The following RFX4 variants were observed in gnomAD, a reference collection of about 807,000 sequenced individuals.
RFX4 encodes transcription factor RFX4.
A neutral mutation model predicts 95.0 loss-of-function variants in RFX4; 10 were observed. That is an observed-to-expected ratio of 0.11 (90% CI 0.06 to 0.18). RFX4 has a LOEUF of 0.18. Ranked by LOEUF, RFX4 falls within the 10% of genes least tolerant of loss-of-function variation. The probability of loss-of-function intolerance (pLI) is 1.00; values close to 1 mark genes in which losing one functional copy is unlikely to be tolerated. For missense variants in RFX4, 640 were observed against 922.0 expected (o/e 0.69, Z 3.96); for synonymous variants, 321 against 340.7 (o/e 0.94, Z 0.64).
chr12:106,752,234 G>C (rs2043020731), intron 17 of RFX4, among the ~76,000 whole-genome samples: 1 of 150,258 alleles, frequency 6.7e-6, no homozygotes, highest in Non-Finnish European at 1.5e-5. Context: ...GTTTGTCAAA[G>C]ATCAGATAGT....
At chr12:106,671,530 CA>C (rs1339871732) in intron 4 of RFX4, among the ~76,000 whole-genome samples, 1 of 152,096 alleles carries the variant, frequency 6.6e-6, no homozygotes, top group African/African-American at 2.4e-5. Flanking sequence ...GTAGAAGAAT[CA>C]GATTCCTGTT....
intron 15 of RFX4, among the ~76,000 whole-genome samples, chr12:106,746,355 CAAA>C (rs531874659): frequency 8.9e-5 from 6 of 67,264 alleles, no homozygotes; most frequent in Non-Finnish European, 1.3e-4. Flanking sequence ...GACTCCATCT[CAAA>C]AAAAAAAAAA....
At chr12:106,599,309 G>T (rs567526065) in intron 1 of RFX4, among the ~76,000 whole-genome samples, 3 of 151,674 alleles carry the variant, frequency 2.0e-5, no homozygotes, top group Non-Finnish European at 2.9e-5. Context: ...AGCACCTATT[G>T]TACAATTGGT....
chr12:106,740,324 G>A (rs527967170), intron 15 of RFX4, among the ~76,000 whole-genome samples: 1 of 152,178 alleles, frequency 6.6e-6, no homozygotes, highest in Non-Finnish European at 1.5e-5. Flanking sequence ...CAGCTAAACC[G>A]AGTGGGATAG....
intron 2 of RFX4, among the ~76,000 whole-genome samples, chr12:106,618,376 G>T (rs937493333): frequency 6.6e-6 from 1 of 151,934 alleles, no homozygotes; most frequent in African/African-American, 2.4e-5. Context: ...TCTGATTATG[G>T]TTATGGCTAT....
At chr12:106,738,853 C>T (rs2042757404) in intron 15 of RFX4, among the ~76,000 whole-genome samples, 1 of 152,046 alleles carries the variant, frequency 6.6e-6, no homozygotes, top group Non-Finnish European at 1.5e-5. Context: ...TGCTAGAAAC[C>T]TAAATATTAG....
At chr12:106,687,997 ATAG>A (rs2041696441) in intron 6 of RFX4, among the ~76,000 whole-genome samples, 1 of 152,056 alleles carries the variant, frequency 6.6e-6, no homozygotes, top group South Asian at 2.1e-4. Flanking sequence ...AGTTTTGATC[ATAG>A]AATATTTGGA....
chr12:106,583,461 A>G (rs529121943), intron 1 of RFX4, 98 bp downstream of exon 1: 36 of 1,189,434 alleles, frequency 3.0e-5, no homozygotes, highest in Non-Finnish European at 3.8e-5. Context: ...CAGACGGGTC[A>G]ACTTGACAGT....
chr12:106,708,185 CAGG>C (rs1324289201), intron 8 of RFX4, among the ~76,000 whole-genome samples: 2 of 152,076 alleles, frequency 1.3e-5, no homozygotes, highest in East Asian at 1.9e-4. Flanking sequence ...GCTGAATATA[CAGG>C]AGAAGGGACC....
At chr12:106,749,599 C>T (rs746780290) in intron 16 of RFX4, among the ~76,000 whole-genome samples, 3 of 152,036 alleles carry the variant, frequency 2.0e-5, no homozygotes, top group African/African-American at 7.2e-5. Context: ...GCAGAAATAG[C>T]AGAAAAAATA....
intron 1 of RFX4, among the ~76,000 whole-genome samples, chr12:106,603,181 G>A (rs962606901): frequency 1.8e-4 from 27 of 152,272 alleles, no homozygotes; most frequent in Non-Finnish European, 1.9e-4. Flanking sequence ...CTTGATAACC[G>A]TCTTAATAGG....
chr12:106,720,111 CTG>C lies in RFX4; in HGVS notation c.1233+60_1233+61del. ...GGGCCCTGCAGCCCACCACTGCCCT[CTG>C]TGAACTTGGCCAAGACAAAGCCCTA... On this transcript the variant is annotated intron_variant, in intron 12 of 17. Transcript: ENST00000392842. This position sits in a 1 kb window ranked among gnomAD's most constrained non-coding sequence, Gnocchi z 4.2. 6.9e-7 allele frequency: 1 copy of C among 1,440,380 alleles called. No individual in the cohort carries two copies. The highest frequency in any genetic ancestry group is 1.1e-5 in the South Asian group (1 of 87,368). 89.2% of individuals were successfully genotyped at this position (1,440,380 alleles called of 1,614,324 possible). A position where few individuals can be genotyped will look rare whatever the true frequency, so the allele number is the denominator to read the frequency against.
chr12:106,730,494 T>C (rs753315886), intron 13 of RFX4, among the ~76,000 whole-genome samples: 1 of 152,206 alleles, frequency 6.6e-6, no homozygotes, highest in Non-Finnish European at 1.5e-5. Flanking sequence ...TGATTACTAA[T>C]GAAGAGACTC....
chr12:106,692,905 G>A (rs1051125169), intron 7 of RFX4, among the ~76,000 whole-genome samples: 1 of 152,140 alleles, frequency 6.6e-6, no homozygotes, highest in African/African-American at 2.4e-5. Context: ...TTAGTCCTGA[G>A]CTCCAGATTC....
intron 15 of RFX4, among the ~76,000 whole-genome samples, chr12:106,740,342 A>G (rs940715158): frequency 6.6e-6 from 1 of 152,190 alleles, no homozygotes; most frequent in Non-Finnish European, 1.5e-5. Context: ...TAGGATGGAC[A>G]CTTCAGCCCT....
At chr12:106,667,143 C>G (rs972230160) in intron 4 of RFX4, among the ~76,000 whole-genome samples, 5 of 151,994 alleles carry the variant, frequency 3.3e-5, no homozygotes, top group African/African-American at 1.2e-4. Context: ...CATTTTTTCC[C>G]TCCCCTCTTA....
chr12:106,760,176 C>T (rs1409228799), intron 17 of RFX4, among the ~76,000 whole-genome samples: 1 of 152,222 alleles, frequency 6.6e-6, no homozygotes, highest in Non-Finnish European at 1.5e-5. Context: ...CTCCTCCTCG[C>T]TGCTCTGGCC....
chr12:106,607,870 A>T (rs1341136526), intron 1 of RFX4, among the ~76,000 whole-genome samples: 1 of 152,160 alleles, frequency 6.6e-6, no homozygotes, highest in Non-Finnish European at 1.5e-5. Context: ...GGATTAAAAA[A>T]AAACAAACCA....
At chr12:106,684,785 A>AAGG (rs2137410283) in intron 5 of RFX4, 1 of 1,422,584 alleles carries the variant, frequency 7.0e-7, no homozygotes, top group Non-Finnish European at 9.1e-7. Flanking sequence ...GCTCAGCACA[A>AAGG]AGAATTTTCT....
Sources: gnomAD v4.1 joint callset for allele counts (sites outside exome capture counted in the v4.1 genomes callset) on GRCh38, gnomAD v4.1.1 for gene constraint, Gnocchi (gnomAD v3.1) non-coding constraint, MANE v1.5 for transcripts, NCBI Gene and HGNC (gene_info 2026-07-23, HGNC 2026-07-21) for gene names.